Variants in ADPRHL1 observed in about 807,000 individuals in gnomAD.
ADPRHL1 encodes the protein inactive ADP-ribosyltransferase ARH2.
Under a neutral mutation model 44.1 loss-of-function variants are expected in ADPRHL1, and 43 were observed. The ratio of observed to expected loss-of-function variants is 0.98; its 90% CI spans 0.76 to 1.26. The LOEUF (loss-of-function observed/expected upper bound fraction) is 1.26, where lower values mean the gene tolerates loss of function less well. Among genes scored for constraint, ADPRHL1 ranks in the 50% most tolerant of loss-of-function variants. The pLI is 0.00. For synonymous variants in ADPRHL1, 878 were observed against 1,017.4 expected (o/e 0.86, Z 2.61); for missense variants, 2,022 against 2,496.9 (o/e 0.81, Z 4.05).
In ADPRHL1 at chr13:113,407,475, CGCAGGTGCTG is replaced by C; in HGVS notation, c.1797_1806del (p.Thr601ArgfsTer86). ...AGAAAGCGGGCAGGGGGCATCTTGA[CGCAGGTGCTG>C]GCCATGGTGGCCGTGTGCAGCACGC... On this transcript the variant is annotated frameshift_variant, in exon 8 of 8. Transcript: ENST00000612156. LOFTEE classifies it low-confidence loss of function (END_TRUNC). 8.1e-7 allele frequency: 1 copy of C among 1,232,110 alleles called. No homozygotes were observed. The highest frequency in any genetic ancestry group is 3.2e-5 in the East Asian group (1 of 31,700). 76.3% of individuals were successfully genotyped at this position (1,232,110 alleles called of 1,614,324 possible).
intron 3 of ADPRHL1, among the ~76,000 whole-genome samples, 161 bp downstream of exon 3, chr13:113,433,581 C>A (rs1259184789): frequency 6.6e-6 from 1 of 152,232 alleles, no homozygotes; most frequent in African/African-American, 2.4e-5. Context: ...CAGCAGGCAG[C>A]CGGCAGGTGC....
At chr13:113,414,293 C>T (rs528202553) in intron 7 of ADPRHL1, among the ~76,000 whole-genome samples, 1 of 152,330 alleles carries the variant, frequency 6.6e-6, no homozygotes, top group Admixed American at 6.5e-5. Context: ...CCTCGGCCAA[C>T]AGCGCTTAGA....
intron 7 of ADPRHL1, among the ~76,000 whole-genome samples, chr13:113,418,226 G>T (rs2043896445): frequency 6.6e-6 from 1 of 152,186 alleles, no homozygotes. Flanking sequence ...GTAGTAAAAA[G>T]GGCCCCGCTT....
At chr13:113,418,379 G>A (rs539897880) in intron 7 of ADPRHL1, among the ~76,000 whole-genome samples, 31 of 152,272 alleles carry the variant, frequency 2.0e-4, no homozygotes, top group South Asian at 1.2e-3. Context: ...TGCTCTGAGC[G>A]GCTGCCCTGC....
chr13:113,418,998 C>CCCTCCCTCCCTT (rs2043900345), intron 7 of ADPRHL1, among the ~76,000 whole-genome samples: 1 of 103,982 alleles, frequency 9.6e-6, no homozygotes, highest in Non-Finnish European at 2.1e-5. Context: ...CTCCCTCCCT[C>CCCTCCCTCCCTT]CCTTCCTCCC....
intron 7 of ADPRHL1, chr13:113,422,167 G>C (rs1324038815): frequency 6.6e-6 from 1 of 152,242 alleles, no homozygotes; most frequent in African/African-American, 2.4e-5. Context: ...ACAGAGAGAC[G>C]CCGGAGCTGG....
At chr13:113,422,078 C>G (rs1423757396) in intron 7 of ADPRHL1, 1 of 152,242 alleles carries the variant, frequency 6.6e-6, no homozygotes, top group Non-Finnish European at 1.5e-5. Flanking sequence ...ACAGCGCTTC[C>G]TCGTCAGCGA....
At chr13:113,436,371 T>C (rs1336114520) in intron 2 of ADPRHL1, among the ~76,000 whole-genome samples, 41 of 75,214 alleles carry the variant, frequency 5.5e-4, no homozygotes, top group African/African-American at 8.3e-4. Context: ...CACCCAGGTG[T>C]AGGGTGAACA....
At position 113,420,371 on chromosome 13, in the gene ADPRHL1, TGGAGACC is replaced by T. The variant is rs2043909232; in HGVS notation, c.1061+2448_1061+2454del. 3.9e-5 allele frequency among the ~76,000 whole-genome samples: 6 copies of T among 152,150 alleles called. No individual in the cohort carries two copies. The South Asian group carries it at 6.2e-4, about 16-fold the overall frequency. On this transcript the variant is annotated intron_variant, in intron 7 of 7. Coordinates refer to ENST00000612156, the MANE Select transcript of ADPRHL1 (RefSeq NM_001394807.1). ...CTCACGGAGGGGTTTGATTTGCGGA[TGGAGACC>T]GAGTCCACCCTGTTTGAATGCAGCC...
chr13:113,446,784 C>T (rs548533661), intron 1 of ADPRHL1, among the ~76,000 whole-genome samples: 52 of 152,102 alleles, frequency 3.4e-4, no homozygotes, highest in African/African-American at 1.1e-3. Context: ...ACAGGCATGG[C>T]TTTGTCTATA....
In ADPRHL1 at chr13:113,405,061, C is replaced by T; in HGVS notation, c.4221G>A (p.Val1407=). The T allele has an allele frequency of 8.1e-7, 1 of 1,232,434 alleles. No homozygotes were observed. The highest frequency in any genetic ancestry group is 4.1e-5 in the South Asian group (1 of 24,388). 76.3% of individuals were successfully genotyped at this position (1,232,434 alleles called of 1,614,324 possible). The change falls in exon 8 of 8, where the codon GTG becomes GTA. Residue 1407 remains valine, a synonymous_variant. Transcript: ENST00000612156. The part of the protein sequence containing the change: ...KRVAPSGSKV[V]LNPAKEPQTW... ...TCTGAGGCTCTTTTGCTGGGTTCAGCACAACCTTCGAGCCCGACGGCGCCA... is the reference window on the plus strand; with the variant it reads ...TCTGAGGCTCTTTTGCTGGGTTCAGTACAACCTTCGAGCCCGACGGCGCCA...
At position 113,401,037 on chromosome 13, in the gene ADPRHL1, G is replaced by A. The variant is rs577943922; in HGVS notation, c.*2341C>T. The A allele has an allele frequency of 6.6e-6, 1 of 152,356 alleles. No individual in the cohort carries two copies. Among genetic ancestry groups the A allele is most frequent in the African/African-American group, 2.4e-5 (1 of 41,568 alleles). The allele number at this position is 152,356 out of a possible 1,614,324, so 9.4% of individuals were successfully genotyped here. A position where few individuals can be genotyped will look rare whatever the true frequency, so the allele number is the denominator to read the frequency against. On this transcript the variant is annotated 3_prime_UTR_variant, in exon 8 of 8. Transcript: ENST00000612156. This position sits in a 1 kb window ranked among gnomAD's most constrained non-coding sequence, Gnocchi z 5.5. Reference sequence around the variant, plus strand: ...CAGTGAACATATTTTTACCTCCCGTGTCTGTCATCATGTTCTTGCCACTCA... The same window carrying A: ...CAGTGAACATATTTTTACCTCCCGTATCTGTCATCATGTTCTTGCCACTCA...
chr13:113,426,815 CG>C (rs1459348997), intron 4 of ADPRHL1, among the ~76,000 whole-genome samples: 2 of 152,210 alleles, frequency 1.3e-5, no homozygotes, highest in Non-Finnish European at 2.9e-5. Context: ...CCGAGTCAGC[CG>C]GGGTTGGCCA....
intron 7 of ADPRHL1, among the ~76,000 whole-genome samples, chr13:113,411,021 C>A (rs2043848967): frequency 6.6e-6 from 1 of 152,186 alleles, no homozygotes. Flanking sequence ...GCAGGTGAGT[C>A]ATTCGGATGA....
rs140845983 is a variant in ADPRHL1 at position 113,419,666 on chromosome 13, G to C, written c.1061+3160C>G. 6.0e-3 allele frequency among the ~76,000 whole-genome samples: 919 copies of C among 152,262 alleles called. 14 individuals are homozygous for C. The highest frequency in any genetic ancestry group is 0.02 in the African/African-American group (851 of 41,542). On this transcript the variant is annotated intron_variant, in intron 7 of 7. Coordinates refer to ENST00000612156, the MANE Select transcript of ADPRHL1 (RefSeq NM_001394807.1). ...CCACTCACGCGATGGAAACCACTGAGAGCCACATCCATGGGGTATTTGAAT... is the reference window on the plus strand; with the variant it reads ...CCACTCACGCGATGGAAACCACTGACAGCCACATCCATGGGGTATTTGAAT...
rs554419036 is a variant in ADPRHL1, at chr13:113,400,596, C to T, written c.*2782G>A. ...GCCTTAGCCATGTGGCCGTGATGGTCGTATCTGAAGTGTGAATACTTCCCC... is the reference window on the plus strand; with the variant it reads ...GCCTTAGCCATGTGGCCGTGATGGTTGTATCTGAAGTGTGAATACTTCCCC... On this transcript the variant is annotated 3_prime_UTR_variant, in exon 8 of 8. Transcript: ENST00000612156. The T allele has an allele frequency of 3.3e-5, 5 of 152,236 alleles. No individual in the cohort carries two copies. The highest frequency in any genetic ancestry group is 1.9e-4 in the East Asian group (1 of 5,176). The allele number at this position is 152,236 out of a possible 1,614,324, so 9.4% of individuals were successfully genotyped here.
chr13:113,433,272 G>C (rs1481160838), intron 3 of ADPRHL1, among the ~76,000 whole-genome samples: 1 of 152,136 alleles, frequency 6.6e-6, no homozygotes, highest in Admixed American at 6.5e-5. Flanking sequence ...GGGCACAGCA[G>C]GAAAATGCAG....
intron 7 of ADPRHL1, among the ~76,000 whole-genome samples, chr13:113,414,466 G>A (rs971013717): frequency 7.7e-5 from 7 of 91,390 alleles, no homozygotes; most frequent in Admixed American, 3.3e-4. Context: ...CTCAGCCCCC[G>A]GCTTCCCTCC....
rs2044188455 is a variant in ADPRHL1, at chr13:113,453,124, G to A, written c.214+100C>T. The A allele has an allele frequency of 1.5e-6, 2 of 1,314,756 alleles. No homozygotes were observed. The highest frequency in any genetic ancestry group is 2.1e-6 in the Non-Finnish European group (2 of 934,142). The allele number at this position is 1,314,756 out of a possible 1,614,324, so 81.4% of individuals were successfully genotyped here. A position where few individuals can be genotyped will look rare whatever the true frequency, so the allele number is the denominator to read the frequency against. On this transcript the variant is annotated intron_variant, in intron 1 of 7. Transcript: ENST00000612156. The surrounding 1 kb of genome is among the most constrained non-coding windows in gnomAD (Gnocchi z 5.4). ...TATCAGGTAACACCATCCGCTGAAGGACCGCACTGCCTTCAAAGCTCTCGG... is the reference window on the plus strand; with the variant it reads ...TATCAGGTAACACCATCCGCTGAAGAACCGCACTGCCTTCAAAGCTCTCGG...
Sources: allele counts gnomAD v4.1 joint callset (sites outside exome capture counted in the v4.1 genomes callset), GRCh38; gene constraint gnomAD v4.1.1; non-coding constraint Gnocchi (gnomAD v3.1); transcripts MANE v1.5; gene names NCBI Gene and HGNC (gene_info 2026-07-23, HGNC 2026-07-21).